SYNPR: variants seen among roughly 807,000 people sequenced by gnomAD.
SYNPR encodes synaptoporin.
A neutral mutation model predicts 32.9 loss-of-function variants in SYNPR; 23 were observed. The ratio of observed to expected loss-of-function variants is 0.70; its 90% CI spans 0.50 to 0.99. The LOEUF is 0.99. SYNPR is among the 50% of genes least tolerant of loss of function. SYNPR has a pLI of 0.00. For synonymous variants in SYNPR, 146 were observed against 135.9 expected (o/e 1.07, Z -0.52); for missense variants, 318 against 349.3 (o/e 0.91, Z 0.71).
At chr3:63,297,706 G>C (rs1000922660) in intron 2 of SYNPR, among the ~76,000 whole-genome samples, 2 of 152,056 alleles carry the variant, frequency 1.3e-5, no homozygotes, top group Non-Finnish European at 2.9e-5. Context: ...GCACTCAAAG[G>C]CTAGGGTTTT....
At chr3:63,300,041 A>G (rs1180681665) in intron 2 of SYNPR, among the ~76,000 whole-genome samples, 1 of 152,112 alleles carries the variant, frequency 6.6e-6, no homozygotes, top group East Asian at 1.9e-4. Context: ...AGTGTCCTTG[A>G]TTACAGAACT....
chr3:63,415,235 G>C (rs766826669), intron 2 of SYNPR, among the ~76,000 whole-genome samples: 1 of 152,102 alleles, frequency 6.6e-6, no homozygotes, highest in Non-Finnish European at 1.5e-5. Flanking sequence ...TCACAACACA[G>C]CATTCAACAA....
chr3:63,331,676 G>A (rs2087231495), intron 2 of SYNPR, among the ~76,000 whole-genome samples: 1 of 152,044 alleles, frequency 6.6e-6, no homozygotes, highest in South Asian at 2.1e-4. Context: ...TTATTTACAG[G>A]ATGTGAACCT....
At chr3:63,297,685 T>C (rs2086803316) in intron 2 of SYNPR, among the ~76,000 whole-genome samples, 1 of 152,158 alleles carries the variant, frequency 6.6e-6, no homozygotes, top group African/African-American at 2.4e-5. Flanking sequence ...CTTTAAGTAG[T>C]ACCTCCTCAA....
intron 1 of SYNPR, among the ~76,000 whole-genome samples, chr3:63,243,492 A>G (rs959118346): frequency 1.3e-5 from 2 of 152,050 alleles, no homozygotes; most frequent in Non-Finnish European, 2.9e-5. Flanking sequence ...TGCTATTCCT[A>G]TTTCAGATAG....
At chr3:63,276,512 G>A (rs1425949474), upstream of SYNPR, among the ~76,000 whole-genome samples, 1 of 152,146 alleles carries the variant, frequency 6.6e-6, no homozygotes, top group Non-Finnish European at 1.5e-5. Context: ...CCATTTTACA[G>A]ATTAAAACAA....
intron 2 of SYNPR, among the ~76,000 whole-genome samples, chr3:63,358,635 A>C (rs1202123501): frequency 6.6e-6 from 1 of 152,036 alleles, no homozygotes; most frequent in African/African-American, 2.4e-5. Context: ...GAAAAAAAAA[A>C]ACCTAAGAAT....
chr3:63,466,622 A>G (rs1444448753), intron 2 of SYNPR, among the ~76,000 whole-genome samples: 1 of 152,154 alleles, frequency 6.6e-6, no homozygotes, highest in African/African-American at 2.4e-5. Flanking sequence ...CTATAACAAA[A>G]TACTAGACTG....
At position 63,516,698 on chromosome 3, in the gene SYNPR, A is replaced by T. The variant is rs552075893; in HGVS notation, c.209+35742A>T. On this transcript the variant is annotated intron_variant, in intron 3 of 5. Coordinates refer to ENST00000478300, the MANE Select transcript of SYNPR (RefSeq NM_001130003.2). ...AAGACTACGGTCTTTCTTTCCCTCT[A>T]ATACTCAGTTATATACAACTCTTCA... 6.8e-4 allele frequency among the ~76,000 whole-genome samples: 103 copies of T among 152,058 alleles called. 3 individuals carry two copies. Among genetic ancestry groups the T allele is most frequent in the Non-Finnish European group, 4.4e-4 (30 of 67,986 alleles).
At chr3:63,353,156 A>G (rs1277371222) in intron 2 of SYNPR, among the ~76,000 whole-genome samples, 1 of 152,242 alleles carries the variant, frequency 6.6e-6, no homozygotes, top group Non-Finnish European at 1.5e-5. Context: ...ATTCATTAAC[A>G]CAGAGTTGCT....
rs925770986 is a variant in SYNPR, at chr3:63,361,467, G to A, written c.84+82725G>A. The stretch of plus-strand genomic sequence containing the variant: ...CAAAAAATTAGCTGGGCATGGTGGC[G>A]GGCTCCTGTAGTCGCAGCTACTCAG... On this transcript the variant is annotated intron_variant, in intron 2 of 5. Coordinates refer to ENST00000478300, the MANE Select transcript of SYNPR (RefSeq NM_001130003.2). Among the ~76,000 whole-genome samples, 6 of 152,030 alleles carry A rather than the reference G, an allele frequency of 3.9e-5. No individual in the cohort carries two copies. The East Asian group carries it at 9.7e-4, about 25-fold the overall frequency.
At chr3:63,482,698 C>A (rs939158131) in intron 3 of SYNPR, among the ~76,000 whole-genome samples, 9 of 152,192 alleles carry the variant, frequency 5.9e-5, no homozygotes, top group African/African-American at 2.2e-4. Context: ...ATGTCTTGTA[C>A]TTTTGCCCCC....
chr3:63,603,388 G>A (rs1353398113), intron 4 of SYNPR, among the ~76,000 whole-genome samples: 1 of 152,134 alleles, frequency 6.6e-6, no homozygotes, highest in African/African-American at 2.4e-5. Flanking sequence ...ATGTTGAATA[G>A]GAGTGGTTAG....
At chr3:63,245,107 G>T (rs1445934559) in intron 1 of SYNPR, among the ~76,000 whole-genome samples, 2 of 152,082 alleles carry the variant, frequency 1.3e-5, no homozygotes, top group Non-Finnish European at 2.9e-5. Context: ...TACTTGGTTT[G>T]CAGAAGCTTT....
At chr3:63,525,437 C>T (rs538027587) in intron 3 of SYNPR, among the ~76,000 whole-genome samples, 1 of 152,260 alleles carries the variant, frequency 6.6e-6, no homozygotes, top group South Asian at 2.1e-4. Context: ...TTCTAATGGA[C>T]AGCCTTGACT....
At chr3:63,219,014 A>G in the SYNPR span, among the ~76,000 whole-genome samples, 1 of 152,232 alleles carries the variant, frequency 6.6e-6, no homozygotes, top group East Asian at 1.9e-4. Flanking sequence ...GAGTCTAGTG[A>G]GAGAGACATC....
chr3:63,508,277 G>A (rs1701628048), intron 3 of SYNPR, among the ~76,000 whole-genome samples: 1 of 151,970 alleles, frequency 6.6e-6, no homozygotes, highest in South Asian at 2.1e-4. Context: ...TATATTCCAG[G>A]TATTGCTCTA....
At chr3:63,613,500 G>T (rs1700231226) in intron 5 of SYNPR, among the ~76,000 whole-genome samples, 5 of 148,170 alleles carry the variant, frequency 3.4e-5, no homozygotes, top group Admixed American at 6.9e-5. Flanking sequence ...AGGGAGGTCT[G>T]TACAAACCAG....
intron 2 of SYNPR, among the ~76,000 whole-genome samples, chr3:63,437,139 A>C (rs997364266): frequency 1.4e-5 from 2 of 147,986 alleles, no homozygotes; most frequent in Non-Finnish European, 3.0e-5. Context: ...GGCCTCCCAG[A>C]GTGCTGGGAT....
Sources: gnomAD v4.1 joint callset for allele counts (sites outside exome capture counted in the v4.1 genomes callset) on GRCh38, gnomAD v4.1.1 for gene constraint, MANE v1.5 for transcripts, NCBI Gene and HGNC (gene_info 2026-07-23, HGNC 2026-07-21) for gene names.